CSMD1: variants seen among roughly 807,000 people sequenced by gnomAD.
CSMD1 encodes the protein CUB and Sushi multiple domains 1.
Under a neutral mutation model 417.5 loss-of-function variants are expected in CSMD1, and 213 were observed. The observed-to-expected ratio is 0.51, with a 90% CI of 0.46 to 0.57. CSMD1 has a LOEUF of 0.57. Among genes scored for constraint, CSMD1 ranks in the 20% least tolerant of loss-of-function variants. CSMD1 has a pLI of 0.00. For missense variants in CSMD1, 6,923 were observed against 4,529.7 expected, an observed-to-expected ratio of 1.53 and a Z score of -15.17; for synonymous variants, 2,862 against 1,736.8, an observed-to-expected ratio of 1.65 and a Z score of -16.11.
At chr8:3,809,611 A>T (rs1382208126) in intron 5 of CSMD1, among the ~76,000 whole-genome samples, 5 of 152,128 alleles carry the variant, frequency 3.3e-5, no homozygotes, top group African/African-American at 1.2e-4. Flanking sequence ...CAGAGTGTCT[A>T]ATTCAGTCTG....
chr8:4,276,136 G>T (rs781173613), intron 3 of CSMD1, among the ~76,000 whole-genome samples: 21 of 152,046 alleles, frequency 1.4e-4, no homozygotes, highest in Non-Finnish European at 2.6e-4. Flanking sequence ...TACCCAAAGG[G>T]TTATAAATCA....
intron 5 of CSMD1, among the ~76,000 whole-genome samples, chr8:3,968,339 C>G (rs1238758558): frequency 6.6e-6 from 1 of 152,136 alleles, no homozygotes; most frequent in Non-Finnish European, 1.5e-5. Context: ...GGGCTATAAT[C>G]TCCCTGATCC....
chr8:4,806,661 G>C (rs1254794083), intron 1 of CSMD1, among the ~76,000 whole-genome samples: 2 of 152,154 alleles, frequency 1.3e-5, no homozygotes, highest in African/African-American at 2.4e-5. Context: ...ACAAAGAAAA[G>C]AAGCATTTGA....
intron 12 of CSMD1, among the ~76,000 whole-genome samples, chr8:3,461,290 C>T (rs1407744587): frequency 6.6e-6 from 1 of 152,154 alleles, no homozygotes; most frequent in South Asian, 2.1e-4. Flanking sequence ...AAGGCTTTTG[C>T]TGGATAGAAT....
At chr8:4,775,468 A>C (rs1243959637) in intron 1 of CSMD1, among the ~76,000 whole-genome samples, 11 of 152,248 alleles carry the variant, frequency 7.2e-5, no homozygotes, top group Non-Finnish European at 1.6e-4. Context: ...ATTAGAAATT[A>C]AGATATTGGA....
intron 12 of CSMD1, among the ~76,000 whole-genome samples, chr8:3,467,582 C>A (rs1333105825): frequency 1.3e-5 from 2 of 152,152 alleles, no homozygotes; most frequent in Non-Finnish European, 2.9e-5. Flanking sequence ...CATTAAGTCC[C>A]CAACACACCC....
chr8:4,973,286 G>A lies in CSMD1; in HGVS notation c.85+21046C>T, dbSNP rs978772592. ...CAGGGACTTTATCTCATTCGCTTTA[G>A]GTACATGATAACTGCACAGGCCTTG... On this transcript the variant is annotated intron_variant, in intron 1 of 69. Coordinates refer to ENST00000635120, the MANE Select transcript of CSMD1 (RefSeq NM_033225.6). Among the ~76,000 whole-genome samples the A allele has an allele frequency of 2.6e-5, 4 of 152,148 alleles. No homozygotes were observed. The East Asian group carries it at 5.8e-4, about 22-fold the overall frequency.
At chr8:4,565,508 TG>T in intron 2 of CSMD1, among the ~76,000 whole-genome samples, 1 of 151,940 alleles carries the variant, frequency 6.6e-6, no homozygotes, top group East Asian at 1.9e-4. Context: ...GAGGTCAAGG[TG>T]GGCGATCACA....
At chr8:3,862,318 G>A (rs1365634909) in intron 5 of CSMD1, among the ~76,000 whole-genome samples, 1 of 152,216 alleles carries the variant, frequency 6.6e-6, no homozygotes, top group African/African-American at 2.4e-5. Flanking sequence ...TCTGTCATCT[G>A]CCCAAGGGCG....
At chr8:4,598,675 T>C (rs527645876) in intron 2 of CSMD1, among the ~76,000 whole-genome samples, 11 of 152,184 alleles carry the variant, frequency 7.2e-5, no homozygotes, top group Non-Finnish European at 1.3e-4. Context: ...TCCTCTGAAA[T>C]ATTTACACTC....
At chr8:4,983,908 G>C (rs1258332390) in intron 1 of CSMD1, among the ~76,000 whole-genome samples, 1 of 152,062 alleles carries the variant, frequency 6.6e-6, no homozygotes, top group African/African-American at 2.4e-5. Context: ...TCAAAGTTAT[G>C]GTCGATGAGG....
At chr8:4,433,635 C>G (rs771670850) in intron 2 of CSMD1, among the ~76,000 whole-genome samples, 1 of 152,170 alleles carries the variant, frequency 6.6e-6, no homozygotes, top group Non-Finnish European at 1.5e-5. Flanking sequence ...TTTCTTTATG[C>G]TCAAATCTGC....
At chr8:4,117,345 C>T (rs920245477) in intron 3 of CSMD1, among the ~76,000 whole-genome samples, 1 of 151,112 alleles carries the variant, frequency 6.6e-6, no homozygotes, top group African/African-American at 2.4e-5. Context: ...CCAACACTGT[C>T]ATCGCCTCAT....
At chr8:4,245,306 A>G (rs893389146) in intron 3 of CSMD1, among the ~76,000 whole-genome samples, 3 of 152,184 alleles carry the variant, frequency 2.0e-5, no homozygotes, top group Non-Finnish European at 2.9e-5. Flanking sequence ...ACACTGCATA[A>G]AAGTATGTAC....
chr8:3,405,956 G>C (rs1310332888), intron 15 of CSMD1, 71 bp downstream of exon 15: 2 of 1,439,570 alleles, frequency 1.4e-6, no homozygotes, highest in Admixed American at 3.8e-5. Flanking sequence ...ACAGTTTGTT[G>C]GTTTGTGTGT....
At chr8:4,985,990 C>T (rs1221413135) in intron 1 of CSMD1, among the ~76,000 whole-genome samples, 1 of 152,154 alleles carries the variant, frequency 6.6e-6, no homozygotes, top group Non-Finnish European at 1.5e-5. Context: ...CAAGGTCTCT[C>T]TTCTTTTTGT....
intron 1 of CSMD1, among the ~76,000 whole-genome samples, chr8:4,927,522 G>T (rs116959561): frequency 6.6e-6 from 1 of 151,950 alleles, no homozygotes; most frequent in African/African-American, 2.4e-5. Flanking sequence ...CTTTTTTTCC[G>T]AGAGCAAGTG....
chr8:3,516,547 A>G (rs957960689), intron 10 of CSMD1, among the ~76,000 whole-genome samples: 4 of 152,204 alleles, frequency 2.6e-5, no homozygotes, highest in African/African-American at 9.7e-5. Flanking sequence ...TCACATTATC[A>G]GGTCATGTCT....
chr8:4,726,399 C>G (rs1809448424), intron 1 of CSMD1, among the ~76,000 whole-genome samples: 1 of 152,054 alleles, frequency 6.6e-6, no homozygotes, highest in Non-Finnish European at 1.5e-5. Context: ...AAATAGAGCA[C>G]TCTACCCTTT....
Sources: gnomAD v4.1 joint callset for allele counts (sites outside exome capture counted in the v4.1 genomes callset) on GRCh38, gnomAD v4.1.1 for gene constraint, MANE v1.5 for transcripts, NCBI Gene and HGNC (gene_info 2026-07-23, HGNC 2026-07-21) for gene names.